GFRA1: variants seen among roughly 807,000 people sequenced by gnomAD.
The protein encoded by GFRA1 is GDNF family receptor alpha-1.
A neutral mutation model predicts 51.6 loss-of-function variants in GFRA1; 16 were observed. That is an observed-to-expected ratio of 0.31 (90% CI 0.21 to 0.47). GFRA1 has a LOEUF of 0.47. Ranked by LOEUF, GFRA1 falls within the 20% of genes least tolerant of loss-of-function variation. GFRA1 has a pLI of 1.00. For synonymous variants in GFRA1, 270 were observed against 241.3 expected, an observed-to-expected ratio of 1.12 and a Z score of -1.10; for missense variants, 530 against 594.3, an observed-to-expected ratio of 0.89 and a Z score of 1.13.
intron 5 of GFRA1, among the ~76,000 whole-genome samples, chr10:116,179,083 C>A (rs770419164): frequency 5.9e-5 from 9 of 152,140 alleles, no homozygotes; most frequent in Non-Finnish European, 1.2e-4. Flanking sequence ...GCTGGCCAGC[C>A]CCTCAGCAAC....
chr10:116,144,076 T>C (rs929590990), intron 5 of GFRA1, among the ~76,000 whole-genome samples: 2 of 152,146 alleles, frequency 1.3e-5, no homozygotes, highest in African/African-American at 4.8e-5. Context: ...ATTTAGTGAG[T>C]TGGTCTGAGG....
At chr10:116,107,592 T>C (rs1957053463) in intron 6 of GFRA1, among the ~76,000 whole-genome samples, 1 of 152,092 alleles carries the variant, frequency 6.6e-6, no homozygotes, top group Admixed American at 6.6e-5. Context: ...AATGAAATCA[T>C]ACTCCCTAAA....
intron 5 of GFRA1, among the ~76,000 whole-genome samples, chr10:116,178,678 T>C (rs1961900177): frequency 6.6e-6 from 1 of 152,188 alleles, no homozygotes; most frequent in Non-Finnish European, 1.5e-5. Flanking sequence ...ACGGTGTGTG[T>C]CTTCGCCAGC....
chr10:116,233,342 T>A (rs1050975087), intron 4 of GFRA1, among the ~76,000 whole-genome samples: 7 of 149,458 alleles, frequency 4.7e-5, no homozygotes, highest in East Asian at 1.9e-4. Context: ...AAAAAAAAAA[T>A]TTTTTAATTG....
chr10:116,236,421 T>G (rs765350628), intron 4 of GFRA1, among the ~76,000 whole-genome samples: 1 of 152,072 alleles, frequency 6.6e-6, no homozygotes, highest in Non-Finnish European at 1.5e-5. Context: ...GCAGAAAAGT[T>G]CTATATTTAT....
rs1958254304 is a variant in GFRA1 at position 116,134,835 on chromosome 10, A to G, written c.434-9278T>C. ...TAGCGCTTCCATTTCCTTAACGCAC[A>G]TTCTGTCGCTTGCCTGCACCCTCTG... On this transcript the variant is annotated intron_variant, in intron 5 of 10. Transcript: ENST00000355422. Among the ~76,000 whole-genome samples the G allele has an allele frequency of 2.6e-5, 4 of 152,198 alleles. No homozygotes were observed. The South Asian group carries it at 8.3e-4, about 32-fold the overall frequency.
chr10:116,137,784 G>A (rs1353503177), intron 5 of GFRA1, among the ~76,000 whole-genome samples: 2 of 152,100 alleles, frequency 1.3e-5, no homozygotes, highest in African/African-American at 4.8e-5. Context: ...AGTCAGATAT[G>A]TGAATTCTGG....
At chr10:116,150,396 C>T (rs539736462) in intron 5 of GFRA1, among the ~76,000 whole-genome samples, 1 of 152,186 alleles carries the variant, frequency 6.6e-6, no homozygotes, top group Admixed American at 6.5e-5. Context: ...GCCTTTCCTG[C>T]TGCAGTTCCC....
In GFRA1 at chr10:116,104,073, G is replaced by A. The variant is rs145096135; in HGVS notation, c.771-7309C>T. Among the ~76,000 whole-genome samples, 176 of 152,242 alleles carry A rather than the reference G, an allele frequency of 1.2e-3. 2 individuals are homozygous for A. Among genetic ancestry groups the A allele is most frequent in the African/African-American group, 3.9e-3 (164 of 41,542 alleles). On this transcript the variant is annotated intron_variant, in intron 6 of 10. Transcript: ENST00000355422. ...CTGGGGAGGTCCACATGCCCCAGGT[G>A]CAGATGCGCAAAGCTCTGTGCATCT...
At position 116,223,934 on chromosome 10, in the gene GFRA1, T is replaced by TTA. The variant is rs368907304; in HGVS notation, c.419-12291_419-12290dup. Among the ~76,000 whole-genome samples the TTA allele has an allele frequency of 9.9e-5, 15 of 151,760 alleles. No homozygotes were observed. In the East Asian group the frequency reaches 1.2e-3, roughly 12 times the overall value. On this transcript the variant is annotated intron_variant, in intron 4 of 10. Transcript: ENST00000355422. ...GAGCTTAAAAAATGTTAATTGTCCTTTATATATATATATTTCTTCAAGCAT... is the reference window on the plus strand; with the variant it reads ...GAGCTTAAAAAATGTTAATTGTCCTTTATATATATATATATTTCTTCAAGCAT...
chr10:116,272,221 G>A lies in GFRA1; in HGVS notation c.-192C>T. 1.6e-6 allele frequency: 1 copy of A among 628,844 alleles called. No individual in the cohort carries two copies. The highest frequency in any genetic ancestry group is 2.8e-6 in the Non-Finnish European group (1 of 353,324). The allele number at this position is 628,844 out of a possible 1,614,324, so 39.0% of individuals were successfully genotyped here. ...CCACCGCCGCCGGCGACTCAGCTCCGGGATGGCGAGGGCGGGAGGCGGTTC... is the reference window on the plus strand; with the variant it reads ...CCACCGCCGCCGGCGACTCAGCTCCAGGATGGCGAGGGCGGGAGGCGGTTC... On this transcript the variant is annotated 5_prime_UTR_variant, in exon 2 of 11. Transcript: ENST00000355422. This position sits in a 1 kb window ranked among gnomAD's most constrained non-coding sequence, Gnocchi z 4.4.
chr10:116,183,337 C>G (rs1962409382), intron 5 of GFRA1, among the ~76,000 whole-genome samples: 1 of 152,204 alleles, frequency 6.6e-6, no homozygotes, highest in Non-Finnish European at 1.5e-5. Flanking sequence ...ATTCTAACAG[C>G]CTATCCTCAC....
chr10:116,096,787 G>A (rs981227231), intron 6 of GFRA1, 23 bp from the exon 7 acceptor site: 1 of 1,341,726 alleles, frequency 7.5e-7, no homozygotes, highest in African/African-American at 1.4e-5. Context: ...AAAAGGGGTG[G>A]GGGGTGGAAA....
chr10:116,119,366 C>T (rs1957555037), intron 6 of GFRA1, among the ~76,000 whole-genome samples: 1 of 152,122 alleles, frequency 6.6e-6, no homozygotes, highest in South Asian at 2.1e-4. Flanking sequence ...AGCCATTCAG[C>T]ACTCCGAATG....
At position 116,249,289 on chromosome 10, in the gene GFRA1, G is replaced by T. The variant is rs367730766; in HGVS notation, c.418+20214C>A. On this transcript the variant is annotated intron_variant, in intron 4 of 10. Coordinates refer to ENST00000355422, the MANE Select transcript of GFRA1 (RefSeq NM_005264.8). Reference sequence around the variant, plus strand: ...AGTCCAGGATGGTGTACATGAGGCTGTGAGGCCTGCAATTGCTTGGGTCCA... The same window carrying T: ...AGTCCAGGATGGTGTACATGAGGCTTTGAGGCCTGCAATTGCTTGGGTCCA... Among the ~76,000 whole-genome samples, 42 of 152,306 alleles carry T rather than the reference G, an allele frequency of 2.8e-4. No homozygotes were observed. In the Middle Eastern group the frequency reaches 0.01, roughly 37 times the overall value.
chr10:116,133,174 T>C (rs1021962314), intron 5 of GFRA1, among the ~76,000 whole-genome samples: 1 of 151,924 alleles, frequency 6.6e-6, no homozygotes, highest in African/African-American at 2.4e-5. Context: ...CATATGCGAG[T>C]GGGTTGTGCT....
intron 5 of GFRA1, among the ~76,000 whole-genome samples, chr10:116,182,153 T>C (rs796499251): frequency 7.9e-5 from 12 of 151,778 alleles, no homozygotes; most frequent in African/African-American, 2.7e-4. Flanking sequence ...AGGGCAGAAA[T>C]GGGGAGTGCA....
chr10:116,059,546 G>C lies in GFRA1; in HGVS notation c.*4852C>G, dbSNP rs1477392242. ...GGTCAAATGAGCTTGGAGACCTTAG[G>C]GGGCTGAGACCTCAACGACTATTAG... On this transcript the variant is annotated 3_prime_UTR_variant, in exon 11 of 11. Coordinates refer to ENST00000355422, the MANE Select transcript of GFRA1 (RefSeq NM_005264.8). 1 of 152,304 alleles carries C rather than the reference G, an allele frequency of 6.6e-6. No individual in the cohort carries two copies. The highest frequency in any genetic ancestry group is 2.1e-4 in the South Asian group (1 of 4,838). 9.4% of individuals were successfully genotyped at this position (152,304 alleles called of 1,614,324 possible).
intron 8 of GFRA1, among the ~76,000 whole-genome samples, chr10:116,092,365 T>G (rs912435576): frequency 2.0e-5 from 3 of 152,006 alleles, no homozygotes; most frequent in Admixed American, 6.6e-5. Context: ...ACAAAGTAAA[T>G]GATGAGGAAG....
Sources: gnomAD v4.1 joint callset for allele counts (sites outside exome capture counted in the v4.1 genomes callset) on GRCh38, gnomAD v4.1.1 for gene constraint, Gnocchi (gnomAD v3.1) non-coding constraint, MANE v1.5 for transcripts, NCBI Gene and HGNC (gene_info 2026-07-23, HGNC 2026-07-21) for gene names.